Variants in HECW2 observed in about 807,000 individuals in gnomAD.
The protein encoded by HECW2 is HECT, C2 and WW domain containing E3 ubiquitin protein ligase 2, also known as E3 ubiquitin-protein ligase HECW2.
A neutral mutation model predicts 175.2 loss-of-function variants in HECW2; 61 were observed. The observed-to-expected ratio is 0.35, with a 90% CI of 0.28 to 0.43. The LOEUF (loss-of-function observed/expected upper bound fraction) is 0.43, where lower values mean the gene tolerates loss of function less well. HECW2 is among the 20% of genes least tolerant of loss of function. The pLI, the probability that HECW2 is intolerant of heterozygous loss-of-function variation, is 1.00. For missense variants in HECW2, 1,524 were observed against 2,000.5 expected (o/e 0.76, Z 4.54); for synonymous variants, 671 against 731.0 (o/e 0.92, Z 1.32).
intron 13 of HECW2, 44 bp downstream of exon 13, chr2:196,306,444 T>G (rs1303405483): frequency 6.4e-7 from 1 of 1,554,718 alleles, no homozygotes; most frequent in South Asian, 1.2e-5. Flanking sequence ...TCATTTGCTT[T>G]GGCCTGCTGT....
At chr2:196,456,660 C>A (rs1696525389) in intron 1 of HECW2, among the ~76,000 whole-genome samples, 1 of 152,216 alleles carries the variant, frequency 6.6e-6, no homozygotes, top group Middle Eastern at 3.2e-3. Flanking sequence ...TACAATGACA[C>A]TGAAGTGGGT....
At chr2:196,476,615 A>C (rs1172229139) in intron 1 of HECW2, among the ~76,000 whole-genome samples, 1 of 152,138 alleles carries the variant, frequency 6.6e-6, no homozygotes, top group African/African-American at 2.4e-5. Context: ...TCAGTTAATA[A>C]CTATCAAGTA....
At chr2:196,485,149 T>C (rs1050373415) in intron 1 of HECW2, among the ~76,000 whole-genome samples, 5 of 152,010 alleles carry the variant, frequency 3.3e-5, no homozygotes, top group Admixed American at 2.6e-4. Context: ...AAAGAGCCAT[T>C]GGAGAAAAGA....
chr2:196,441,377 C>A (rs72912774), intron 1 of HECW2, among the ~76,000 whole-genome samples: 1 of 22,716 alleles, frequency 4.4e-5, no homozygotes, highest in Non-Finnish European at 1.0e-4. Context: ...AACACACACA[C>A]ACAAACACAC....
chr2:196,521,425 G>A (rs1161120801), intron 1 of HECW2, among the ~76,000 whole-genome samples: 1 of 151,148 alleles, frequency 6.6e-6, no homozygotes, highest in Non-Finnish European at 1.5e-5. Context: ...ACTTATATAT[G>A]AATATTACAA....
At chr2:196,471,762 C>T (rs1035723720) in intron 1 of HECW2, among the ~76,000 whole-genome samples, 2 of 152,006 alleles carry the variant, frequency 1.3e-5, no homozygotes, top group Non-Finnish European at 2.9e-5. Context: ...AGGGGCTAAA[C>T]AATGAGAACA....
At chr2:196,334,054 A>T (rs1346461992) in intron 4 of HECW2, among the ~76,000 whole-genome samples, 1 of 152,192 alleles carries the variant, frequency 6.6e-6, no homozygotes, top group Non-Finnish European at 1.5e-5. Flanking sequence ...TGGCAGGTAA[A>T]TCACCCATAA....
At chr2:196,413,624 T>C (rs572496404) in intron 2 of HECW2, among the ~76,000 whole-genome samples, 1 of 152,192 alleles carries the variant, frequency 6.6e-6, no homozygotes, top group East Asian at 1.9e-4. Context: ...GGATTACAGG[T>C]GTAAGCCACT....
intron 17 of HECW2, chr2:196,264,248 G>C (rs553456494): frequency 6.6e-6 from 1 of 152,192 alleles, no homozygotes; most frequent in East Asian, 1.9e-4. Context: ...TTATTCTTTT[G>C]GGGTTGGGGA....
intron 21 of HECW2, among the ~76,000 whole-genome samples, chr2:196,231,535 A>C (rs1051450055): frequency 6.6e-6 from 1 of 152,172 alleles, no homozygotes; most frequent in African/African-American, 2.4e-5. Context: ...TTATGTATTG[A>C]TGTTGTCCGC....
intron 2 of HECW2, among the ~76,000 whole-genome samples, chr2:196,398,363 A>G (rs1174298997): frequency 6.6e-6 from 1 of 152,254 alleles, no homozygotes; most frequent in East Asian, 1.9e-4. Context: ...AGTTTTAAAT[A>G]AACACATTTA....
At chr2:196,548,114 G>C (rs1165851655) in intron 1 of HECW2, among the ~76,000 whole-genome samples, 1 of 152,118 alleles carries the variant, frequency 6.6e-6, no homozygotes, top group Non-Finnish European at 1.5e-5. Flanking sequence ...TGGATCACTT[G>C]AGGTCAGGAG....
intron 1 of HECW2, 27 bp downstream of exon 1, chr2:196,593,481 G>A (rs1235737104): frequency 6.6e-6 from 1 of 152,164 alleles, no homozygotes; most frequent in African/African-American, 2.4e-5. Flanking sequence ...CCCGGTCCGC[G>A]GAGAGCGAAG....
intron 1 of HECW2, among the ~76,000 whole-genome samples, chr2:196,468,610 C>G (rs1697057146): frequency 6.6e-6 from 1 of 152,204 alleles, no homozygotes; most frequent in African/African-American, 2.4e-5. Flanking sequence ...ACACTGCCAC[C>G]TGCAGACCAC....
chr2:196,294,852 C>T (rs940186550), intron 13 of HECW2, among the ~76,000 whole-genome samples: 3 of 152,066 alleles, frequency 2.0e-5, no homozygotes, highest in Non-Finnish European at 4.4e-5. Context: ...CCACAGGGAC[C>T]CTGATAACCT....
At chr2:196,411,067 T>C (rs1695096108) in intron 2 of HECW2, among the ~76,000 whole-genome samples, 1 of 152,226 alleles carries the variant, frequency 6.6e-6, no homozygotes, top group Non-Finnish European at 1.5e-5. Flanking sequence ...GGTGTGACCA[T>C]AGTTCATTAC....
At chr2:196,280,096 A>G (rs1690129922) in intron 14 of HECW2, among the ~76,000 whole-genome samples, 1 of 152,224 alleles carries the variant, frequency 6.6e-6, no homozygotes. Flanking sequence ...GAAACCCATT[A>G]TCTTAAGTAC....
At chr2:196,397,831 A>G (rs1431077832) in intron 2 of HECW2, among the ~76,000 whole-genome samples, 1 of 152,234 alleles carries the variant, frequency 6.6e-6, no homozygotes, top group African/African-American at 2.4e-5. Context: ...CTTCCAATGT[A>G]GTCTTTTAAG....
intron 26 of HECW2, 112 bp downstream of exon 26, chr2:196,219,927 C>T (rs1220963439): frequency 2.9e-6 from 2 of 690,846 alleles, no homozygotes; most frequent in Non-Finnish European, 5.1e-6. Flanking sequence ...TGCATCAGAC[C>T]TATGATTAGA....
Sources: allele counts gnomAD v4.1 joint callset (sites outside exome capture counted in the v4.1 genomes callset), GRCh38; gene constraint gnomAD v4.1.1; transcripts MANE v1.5; gene names NCBI Gene and HGNC (gene_info 2026-07-23, HGNC 2026-07-21).